THRA: variants seen among roughly 807,000 people sequenced by gnomAD.
The protein encoded by THRA is EAR-7.
THRA carries 13 observed loss-of-function variants against 45.0 expected under a neutral mutation model. The ratio of observed to expected loss-of-function variants is 0.29; its 90% CI spans 0.19 to 0.46. The LOEUF (loss-of-function observed/expected upper bound fraction) is 0.46. Ranked by LOEUF, THRA falls within the 20% of genes least tolerant of loss-of-function variation. THRA has a pLI of 1.00. For missense variants in THRA, 278 were observed against 556.1 expected (o/e 0.50, Z 5.03); for synonymous variants, 195 against 214.0 (o/e 0.91, Z 0.78).
At chr17:40,076,638 G>T (rs1986963614) in intron 2 of THRA, among the ~76,000 whole-genome samples, 1 of 152,172 alleles carries the variant, frequency 6.6e-6, no homozygotes, top group Admixed American at 6.5e-5. Context: ...ATGTGTGTGT[G>T]TTGGGGCTCT....
intron 1 of THRA, among the ~76,000 whole-genome samples, chr17:40,063,354 C>A (rs1050020134): frequency 1.3e-5 from 2 of 152,150 alleles, no homozygotes; most frequent in Non-Finnish European, 2.9e-5. Flanking sequence ...GAGCCTCCCC[C>A]TGGAGGGCCC....
intron 1 of THRA, chr17:40,072,151 T>C (rs1986798697): frequency 6.6e-6 from 1 of 152,416 alleles, no homozygotes; most frequent in East Asian, 1.9e-4. Context: ...GTGGCTTAGG[T>C]TGGCACTGCT....
chr17:40,083,052 C>T (rs1447577902), intron 4 of THRA, among the ~76,000 whole-genome samples: 2 of 150,838 alleles, frequency 1.3e-5, no homozygotes, highest in African/African-American at 4.9e-5. Context: ...CTCAGCCTCC[C>T]GAGTAGCTGG....
intron 4 of THRA, among the ~76,000 whole-genome samples, chr17:40,082,370 A>G (rs1342298415): frequency 6.7e-6 from 1 of 150,072 alleles, no homozygotes; most frequent in Admixed American, 6.6e-5. Flanking sequence ...ATGTGCCACC[A>G]TTCCCGGCTA....
Position 40,089,697 on chromosome 17 carries a change from G to A in THRA, c.*241G>A, listed in dbSNP as rs1456476314. On this transcript the variant is annotated 3_prime_UTR_variant, in exon 9 of 9. Transcript: ENST00000450525. The surrounding 1 kb of genome is among the most constrained non-coding windows in gnomAD (Gnocchi z 6.1). ...GACAGTGTGGGAGGCTGGGGGAGCT[G>A]TGTCCTGCAGTTCCCAGGACCCCAT... is the stretch of plus-strand genomic sequence containing the variant. The A allele has an allele frequency of 2.9e-6, 4 of 1,373,552 alleles. No individual in the cohort carries two copies. Among genetic ancestry groups the A allele is most frequent in the South Asian group, 3.1e-5 (2 of 63,772 alleles). 85.1% of individuals were successfully genotyped at this position (1,373,552 alleles called of 1,614,324 possible).
At position 40,089,950 on chromosome 17, in the gene THRA, C is replaced by T; in HGVS notation, c.*494C>T. The T allele has an allele frequency of 1.0e-6, 1 of 992,754 alleles. No homozygotes were observed. Among genetic ancestry groups the T allele is most frequent in the Non-Finnish European group, 1.2e-6 (1 of 834,416 alleles). 61.5% of individuals were successfully genotyped at this position (992,754 alleles called of 1,614,324 possible). A position where few individuals can be genotyped will look rare whatever the true frequency, so the allele number is the denominator to read the frequency against. ...AAAGAACGGCTTGGCTTGGCTCCTC[C>T]TCTGGAGGTTAAAATTTATAGTCAT... On this transcript the variant is annotated 3_prime_UTR_variant, in exon 9 of 9. Transcript: ENST00000450525. This position sits in a 1 kb window ranked among gnomAD's most constrained non-coding sequence, Gnocchi z 6.1.
intron 4 of THRA, among the ~76,000 whole-genome samples, chr17:40,082,758 C>CCTTT (rs1389256940): frequency 1.6e-4 from 11 of 67,516 alleles, no homozygotes; most frequent in Admixed American, 1.5e-4. Context: ...GAATCGCATG[C>CCTTT]TTTTTTTTTT....
intron 4 of THRA, among the ~76,000 whole-genome samples, chr17:40,080,642 A>C (rs1444644101): frequency 2.7e-5 from 4 of 146,936 alleles, no homozygotes; most frequent in African/African-American, 5.1e-5. Context: ...CCTTGGCCCC[A>C]CCCTTGGATA....
At chr17:40,076,644 G>A (rs1986964072) in intron 2 of THRA, among the ~76,000 whole-genome samples, 1 of 152,120 alleles carries the variant, frequency 6.6e-6, no homozygotes, top group South Asian at 2.1e-4. Context: ...GTGTGTTGGG[G>A]CTCTAGAATA....
downstream of THRA, chr17:40,093,225 C>A (rs1312295061): frequency 6.2e-7 from 1 of 1,613,662 alleles, no homozygotes. This position sits in a 1 kb window ranked among gnomAD's most constrained non-coding sequence, Gnocchi z 5.9. Context: ...CCGAAGAGCC[C>A]GCAGCAGCGT....
chr17:40,089,301 A>G lies in THRA; in HGVS notation c.1078A>G (p.Ile360Val). ...EHYVNHRKHN[I>V]PHFWPKLLMK... ...CTACGTCAACCACCGCAAACACAAC[A>G]TTCCGCACTTCTGGCCCAAGCTGCT... Residue 360 changes from isoleucine to valine, a missense_variant, in exon 9 of 9, where the codon ATT (isoleucine) becomes GTT (valine). Transcript: ENST00000450525. The surrounding 1 kb of genome is among the most constrained non-coding windows in gnomAD (Gnocchi z 6.1). 1 of 1,613,974 alleles carries G rather than the reference A, an allele frequency of 6.2e-7. No homozygotes were observed. The highest frequency in any genetic ancestry group is 1.1e-5 in the South Asian group (1 of 91,070).
At chr17:40,084,851 A>G (rs1215440979) in intron 6 of THRA, 36 bp downstream of exon 6, 5 of 1,608,508 alleles carry the variant, frequency 3.1e-6, no homozygotes, top group African/African-American at 2.7e-5. Context: ...AGCAGTAGCC[A>G]GGTGGCAGGG....
chr17:40,068,321 G>C (rs915610985), intron 1 of THRA, among the ~76,000 whole-genome samples: 1 of 152,226 alleles, frequency 6.6e-6, no homozygotes, highest in African/African-American at 2.4e-5. Flanking sequence ...TTGCATCCTG[G>C]CATGGTGAGC....
intron 1 of THRA, among the ~76,000 whole-genome samples, chr17:40,071,147 C>T (rs545912021): frequency 3.9e-5 from 6 of 152,064 alleles, no homozygotes; most frequent in African/African-American, 1.2e-4. Flanking sequence ...CCCGCATGTA[C>T]GTGTCCCTGT....
At chr17:40,072,069 A>C (rs1382502093) in intron 1 of THRA, 1 of 152,464 alleles carries the variant, frequency 6.6e-6, no homozygotes, top group Non-Finnish European at 1.5e-5. Flanking sequence ...GGGCACGTGC[A>C]GGCCCTTGGC....
In THRA at chr17:40,090,003, G is replaced by A. The variant is rs564957022; in HGVS notation, c.*547G>A. 37 of 988,598 alleles carry A rather than the reference G, an allele frequency of 3.7e-5. No individual in the cohort carries two copies. The highest frequency in any genetic ancestry group is 5.2e-5 in the African/African-American group (3 of 57,354). The allele number at this position is 988,598 out of a possible 1,614,324, so 61.2% of individuals were successfully genotyped here. A position where few individuals can be genotyped will look rare whatever the true frequency, so the allele number is the denominator to read the frequency against. On this transcript the variant is annotated 3_prime_UTR_variant, in exon 9 of 9. Coordinates refer to ENST00000450525, the MANE Select transcript of THRA (RefSeq NM_199334.5). ...TAACTGCACTTTGGAAACCAAGCAA[G>A]GGGAGAAGACAAATGAAGAAAAACT...
chr17:40,065,641 C>T (rs1598386332), intron 1 of THRA, among the ~76,000 whole-genome samples: 1 of 152,210 alleles, frequency 6.6e-6, no homozygotes, highest in Non-Finnish European at 1.5e-5. Flanking sequence ...CTCTGCCCCC[C>T]CTGCGCAGCC....
chr17:40,076,788 TG>T, intron 2 of THRA, 82 bp from the exon 3 acceptor site: 2 of 1,432,108 alleles, frequency 1.4e-6, no homozygotes, highest in Non-Finnish European at 9.8e-7. Context: ...AATCAGGCCT[TG>T]GGGGATTGCA....
intron 4 of THRA, among the ~76,000 whole-genome samples, chr17:40,082,521 C>T (rs2145071935): frequency 6.6e-6 from 1 of 151,238 alleles, no homozygotes; most frequent in South Asian, 2.1e-4. Context: ...AGGGGCAGGC[C>T]CAGCTAATTT....
Sources: allele counts gnomAD v4.1 joint callset (sites outside exome capture counted in the v4.1 genomes callset), GRCh38; gene constraint gnomAD v4.1.1; non-coding constraint Gnocchi (gnomAD v3.1); transcripts MANE v1.5; gene names NCBI Gene and HGNC (gene_info 2026-07-23, HGNC 2026-07-21).